Variants in CCDC7 observed in about 807,000 individuals in gnomAD.
CCDC7 encodes coiled-coil domain containing 7.
Under a neutral mutation model 196.9 loss-of-function variants are expected in CCDC7, and 183 were observed. The ratio of observed to expected loss-of-function variants is 0.93; its 90% CI spans 0.82 to 1.05. CCDC7 has a LOEUF of 1.05. CCDC7 is among the 50% of genes least tolerant of loss of function. The pLI, the probability that CCDC7 is intolerant of heterozygous loss-of-function variation, is 0.00. For synonymous variants in CCDC7, 525 were observed against 484.6 expected (o/e 1.08, Z -1.10); for missense variants, 1,540 against 1,482.2 (o/e 1.04, Z -0.64).
At chr10:32,668,367 C>T (rs1016896410) in intron 21 of CCDC7, among the ~76,000 whole-genome samples, 1 of 152,108 alleles carries the variant, frequency 6.6e-6, no homozygotes, top group African/African-American at 2.4e-5. Context: ...TTATTTCTTT[C>T]TCCTGCCTGA....
chr10:32,571,801 T>A, intron 15 of CCDC7, 58 bp from the exon 17 acceptor site: 1 of 1,436,624 alleles, frequency 7.0e-7, no homozygotes, highest in Non-Finnish European at 9.2e-7. Flanking sequence ...TCTAAATGAC[T>A]GTAAACATTT....
chr10:32,511,261 C>CCG (rs1554812867), intron 9 of CCDC7: 6 of 380,444 alleles, frequency 1.6e-5, no homozygotes, highest in Non-Finnish European at 2.6e-5. Flanking sequence ...CTGTGGGGGG[C>CCG]GGGGGGGGCG....
At chr10:32,711,496 T>C (rs2080833163) in intron 24 of CCDC7, 124 bp from the exon 26 acceptor site, 4 of 580,032 alleles carry the variant, frequency 6.9e-6, no homozygotes, top group South Asian at 6.4e-5. Flanking sequence ...AGCATTAAGG[T>C]AGTTTACTTA....
At chr10:32,688,246 C>T (rs2076687393) in intron 22 of CCDC7, among the ~76,000 whole-genome samples, 1 of 152,086 alleles carries the variant, frequency 6.6e-6, no homozygotes, top group Non-Finnish European at 1.5e-5. Flanking sequence ...CCTCAGGTCA[C>T]TGGTGAGGTG....
chr10:32,850,449 A>G (rs932879377), intron 39 of CCDC7, among the ~76,000 whole-genome samples: 1 of 152,212 alleles, frequency 6.6e-6, no homozygotes, highest in Middle Eastern at 3.2e-3. Context: ...CTCTGCTCAC[A>G]TTCATTTACT....
At chr10:32,505,067 T>A (rs2044675266) in intron 9 of CCDC7, among the ~76,000 whole-genome samples, 1 of 152,238 alleles carries the variant, frequency 6.6e-6, no homozygotes, top group Non-Finnish European at 1.5e-5. Flanking sequence ...TAATAGTTGC[T>A]GTATGTATTC....
rs534760224 is a variant in CCDC7 at position 32,819,887 on chromosome 10, T to A, written c.3182-4631T>A. 1.9e-3 allele frequency among the ~76,000 whole-genome samples: 294 copies of A among 152,256 alleles called. 3 individuals carry two copies. Among genetic ancestry groups the A allele is most frequent in the African/African-American group, 6.8e-3 (281 of 41,550 alleles). On this transcript the variant is annotated intron_variant, in intron 31 of 41. Coordinates refer to ENST00000639629, the Ensembl canonical transcript of CCDC7. Reference sequence around the variant, plus strand: ...CTGAATGGGCAAAAACTGGAAGCATTCCCTTTGAAAACTGGCACAAGACAG... The same window carrying A: ...CTGAATGGGCAAAAACTGGAAGCATACCCTTTGAAAACTGGCACAAGACAG...
Position 32,834,797 on chromosome 10 carries a change from C to A in CCDC7, c.3269-18C>A. 1 of 1,219,256 alleles carries A rather than the reference C, an allele frequency of 8.2e-7. No homozygotes were observed. The highest frequency in any genetic ancestry group is 1.2e-5 in the South Asian group (1 of 80,012). The allele number at this position is 1,219,256 out of a possible 1,614,324, so 75.5% of individuals were successfully genotyped here. On this transcript the variant is annotated intron_variant, in intron 32 of 41. Transcript: ENST00000639629. ...TTTACCTTTCAAAGCGTTTTGAAAA[C>A]CTGTTTTATTTTTATAGAGACTGTC...
chr10:32,703,013 A>G (rs1591785740), intron 24 of CCDC7, among the ~76,000 whole-genome samples: 1 of 152,208 alleles, frequency 6.6e-6, no homozygotes, highest in East Asian at 1.9e-4. Context: ...TAGCCTATTT[A>G]CATTTAAGGT....
At chr10:32,664,144 A>G in exon 21 of CCDC7, 1 of 396,292 alleles carries the variant, frequency 2.5e-6, no homozygotes, top group East Asian at 3.6e-5. Flanking sequence ...AAATCTTTCC[A>G]AGATAATCAA....
At chr10:32,467,267 A>T (rs1354673808) in intron 5 of CCDC7, among the ~76,000 whole-genome samples, 1 of 21,272 alleles carries the variant, frequency 4.7e-5, no homozygotes, top group Non-Finnish European at 8.7e-5. Flanking sequence ...ATGCCCGGCT[A>T]ATTTTTTTTT....
chr10:32,639,523 T>G (rs112985714), intron 20 of CCDC7, among the ~76,000 whole-genome samples: 4 of 152,216 alleles, frequency 2.6e-5, no homozygotes, highest in African/African-American at 9.6e-5. Flanking sequence ...AGGAGCAGGT[T>G]GTTCAGTTTC....
At chr10:32,699,293 A>G (rs1208519319) in intron 24 of CCDC7, among the ~76,000 whole-genome samples, 1 of 144,682 alleles carries the variant, frequency 6.9e-6, no homozygotes, top group Non-Finnish European at 1.5e-5. Flanking sequence ...TATGAGTGAG[A>G]ACATGTGGTG....
At chr10:32,570,085 C>T (rs941645940) in intron 15 of CCDC7, among the ~76,000 whole-genome samples, 4 of 152,116 alleles carry the variant, frequency 2.6e-5, no homozygotes, top group African/African-American at 9.7e-5. Context: ...TATTCATTAA[C>T]TTACTGAATT....
intron 21 of CCDC7, among the ~76,000 whole-genome samples, chr10:32,674,705 A>T (rs1254218919): frequency 6.6e-6 from 1 of 151,922 alleles, no homozygotes; most frequent in African/African-American, 2.4e-5. Context: ...CATACCTATT[A>T]TTACTTTTCT....
chr10:32,814,202 T>C (rs1565583843), intron 30 of CCDC7, among the ~76,000 whole-genome samples, 168 bp from the exon 32 acceptor site: 2 of 152,164 alleles, frequency 1.3e-5, no homozygotes, highest in African/African-American at 4.8e-5. Context: ...ATGATCCACC[T>C]GCACTTTGGC....
At chr10:32,845,045 C>T (rs1170899688) in intron 33 of CCDC7, among the ~76,000 whole-genome samples, 198 bp from the exon 35 acceptor site, 2 of 151,502 alleles carry the variant, frequency 1.3e-5, no homozygotes, top group Admixed American at 6.6e-5. Flanking sequence ...AAATTTTTTT[C>T]AAGACTAATA....
chr10:32,458,719 T>G (rs1220841797), intron 3 of CCDC7, among the ~76,000 whole-genome samples: 1 of 152,122 alleles, frequency 6.6e-6, no homozygotes, highest in Admixed American at 6.5e-5. Flanking sequence ...TAGGATTGCT[T>G]TGGCTACTTA....
intron 11 of CCDC7, among the ~76,000 whole-genome samples, chr10:32,531,814 C>T (rs890172330): frequency 2.6e-5 from 4 of 152,130 alleles, no homozygotes; most frequent in African/African-American, 4.8e-5. Flanking sequence ...TCTATTTCTT[C>T]TAGGTATTCC....
Sources: gnomAD v4.1 joint callset for allele counts (sites outside exome capture counted in the v4.1 genomes callset) on GRCh38, gnomAD v4.1.1 for gene constraint, MANE v1.5 for transcripts, NCBI Gene and HGNC (gene_info 2026-07-23, HGNC 2026-07-21) for gene names.